Variants in CDH13 observed in about 807,000 individuals in gnomAD.
The protein encoded by CDH13 is cadherin-13.
CDH13 carries 24 observed loss-of-function variants against 63.8 expected under a neutral mutation model. The ratio of observed to expected loss-of-function variants is 0.38; its 90% confidence interval spans 0.27 to 0.53. CDH13 has a LOEUF of 0.53. CDH13 is among the 20% of genes least tolerant of loss of function. The pLI, the probability that CDH13 is intolerant of heterozygous loss-of-function variation, is 0.85. For synonymous variants in CDH13, 503 were observed against 355.3 expected, an observed-to-expected ratio of 1.42 and a Z score of -4.67; for missense variants, 1,049 against 903.1, an observed-to-expected ratio of 1.16 and a Z score of -2.07.
Position 82,770,852 on chromosome 16 carries a change from C to T in CDH13, c.46-87510C>T, listed in dbSNP as rs559133171. On this transcript the variant is annotated intron_variant, in intron 1 of 13. Transcript: ENST00000567109. The stretch of plus-strand genomic sequence containing the variant: ...CCTCCCGAGTAGCTGGGACTAAAAG[C>T]GCACACTGCCATGCCCGGCTAATGT... Among the ~76,000 whole-genome samples the T allele has an allele frequency of 7.6e-4, 116 of 152,168 alleles. 1 individual carries two copies. The highest frequency in any genetic ancestry group is 2.6e-3 in the African/African-American group (110 of 41,532).
At chr16:82,642,234 G>C (rs1909496934) in intron 1 of CDH13, among the ~76,000 whole-genome samples, 1 of 151,948 alleles carries the variant, frequency 6.6e-6, no homozygotes, top group Non-Finnish European at 1.5e-5. Context: ...TATTGTTGTT[G>C]ACACACAATA....
intron 7 of CDH13, among the ~76,000 whole-genome samples, chr16:83,521,661 A>G (rs184515329): frequency 3.3e-4 from 50 of 152,324 alleles, no homozygotes; most frequent in Admixed American, 2.9e-3. Flanking sequence ...TCTAAATTGT[A>G]TATGTAGACA....
At chr16:83,764,822 T>A (rs887862099) in intron 11 of CDH13, among the ~76,000 whole-genome samples, 1 of 152,188 alleles carries the variant, frequency 6.6e-6, no homozygotes, top group Admixed American at 6.5e-5. Flanking sequence ...CCTGAAGCCC[T>A]CGCAATGGCC....
chr16:83,042,068 C>T (rs935734371), intron 3 of CDH13, among the ~76,000 whole-genome samples: 2 of 152,164 alleles, frequency 1.3e-5, no homozygotes, highest in Non-Finnish European at 2.9e-5. Context: ...CTGTTTGAAT[C>T]CTCTGTTTGT....
At chr16:83,033,920 C>G (rs532478322) in intron 3 of CDH13, among the ~76,000 whole-genome samples, 2 of 152,232 alleles carry the variant, frequency 1.3e-5, no homozygotes, top group South Asian at 2.1e-4. Flanking sequence ...GCCCCTAATT[C>G]ACATCCCTTT....
intron 8 of CDH13, among the ~76,000 whole-genome samples, chr16:83,628,385 G>A (rs62040228): frequency 0.091 from 13,847 of 152,190 alleles, 819 homozygotes; most frequent in East Asian, 0.26. Context: ...TGGGATTACA[G>A]ATGTGAGCCC....
chr16:83,280,630 T>C (rs1410283048), intron 5 of CDH13, among the ~76,000 whole-genome samples: 1 of 152,212 alleles, frequency 6.6e-6, no homozygotes. Flanking sequence ...CCCGAAGGTT[T>C]TCAGTTTACT....
chr16:82,707,225 G>A (rs904432794), intron 1 of CDH13, among the ~76,000 whole-genome samples: 1 of 152,190 alleles, frequency 6.6e-6, no homozygotes, highest in Non-Finnish European at 1.5e-5. Flanking sequence ...TCCATTAACT[G>A]AACAAAAGCC....
chr16:83,620,130 C>T (rs544414163), intron 8 of CDH13, among the ~76,000 whole-genome samples: 2 of 152,118 alleles, frequency 1.3e-5, no homozygotes, highest in African/African-American at 2.4e-5. Context: ...CAGTGGCTCA[C>T]GCCTGTAATC....
chr16:83,602,531 G>A lies in CDH13; in HGVS notation c.1038G>A (p.Thr346=), dbSNP rs371581191. The change falls in exon 8 of 14, where the codon ACG becomes ACA. Residue 346 remains threonine (T), a synonymous_variant. Coordinates refer to ENST00000567109, the MANE Select transcript of CDH13 (RefSeq NM_001257.5). ...MAGLDVGLTG[T]ATATIMIDDK... ...GACTGGATGTTGGATTAACAGGCAC[G>A]GCCACAGCCACGATCATGATCGATG... 4,179 of 1,613,878 alleles carry A rather than the reference G, an allele frequency of 2.6e-3. 10 individuals are homozygous for A. Among genetic ancestry groups the A allele is most frequent in the Non-Finnish European group, 3.3e-3 (3,864 of 1,179,824 alleles).
At chr16:83,150,523 C>T (rs1166836827) in intron 4 of CDH13, among the ~76,000 whole-genome samples, 1 of 152,188 alleles carries the variant, frequency 6.6e-6, no homozygotes, top group African/African-American at 2.4e-5. Context: ...GATACTGACT[C>T]ATACATATGA....
chr16:83,406,744 G>C (rs1002101672), intron 6 of CDH13, among the ~76,000 whole-genome samples: 1 of 152,152 alleles, frequency 6.6e-6, no homozygotes, highest in African/African-American at 2.4e-5. Flanking sequence ...GGGATTACAG[G>C]TGTGAGCTAC....
At chr16:83,285,752 G>A (rs957976085) in intron 5 of CDH13, among the ~76,000 whole-genome samples, 3 of 152,040 alleles carry the variant, frequency 2.0e-5, no homozygotes, top group African/African-American at 4.8e-5. Flanking sequence ...CAATATCTGC[G>A]GGTACCAAGG....
At chr16:82,814,483 G>C (rs534145248) in intron 1 of CDH13, among the ~76,000 whole-genome samples, 65 of 152,222 alleles carry the variant, frequency 4.3e-4, no homozygotes, top group African/African-American at 1.5e-3. Flanking sequence ...ATGTAACAAA[G>C]CCTCCATGAT....
chr16:83,628,359 C>G (rs946097223), intron 8 of CDH13, among the ~76,000 whole-genome samples: 3 of 152,208 alleles, frequency 2.0e-5, no homozygotes, highest in Non-Finnish European at 4.4e-5. Context: ...CTGCCCACCT[C>G]AGCCTCCTAA....
chr16:83,734,600 G>C (rs186371595), intron 10 of CDH13, among the ~76,000 whole-genome samples: 7 of 151,154 alleles, frequency 4.6e-5, no homozygotes, highest in Admixed American at 1.3e-4. Flanking sequence ...GGGAAGGGGG[G>C]AGGGATAGCA....
At chr16:82,926,258 A>G (rs1033435643) in intron 2 of CDH13, among the ~76,000 whole-genome samples, 2 of 151,692 alleles carry the variant, frequency 1.3e-5, no homozygotes, top group African/African-American at 4.9e-5. Context: ...AATGGACATG[A>G]CAGTGTTCCA....
intron 6 of CDH13, among the ~76,000 whole-genome samples, chr16:83,388,805 A>T (rs532962209): frequency 4.6e-5 from 7 of 152,308 alleles, no homozygotes; most frequent in Non-Finnish European, 8.8e-5. Flanking sequence ...CAGCTACATT[A>T]GCCTCACCTG....
At chr16:83,564,295 A>G (rs575554936) in intron 7 of CDH13, among the ~76,000 whole-genome samples, 7 of 152,230 alleles carry the variant, frequency 4.6e-5, no homozygotes, top group Admixed American at 2.0e-4. Flanking sequence ...TCAGGGAACA[A>G]TTGGGTAAGT....
Sources: allele counts gnomAD v4.1 joint callset (sites outside exome capture counted in the v4.1 genomes callset), GRCh38; gene constraint gnomAD v4.1.1; transcripts MANE v1.5; gene names NCBI Gene and HGNC (gene_info 2026-07-23, HGNC 2026-07-21).